Variants in ADAMTS6 observed in about 807,000 individuals in gnomAD.
The protein encoded by ADAMTS6 is A disintegrin and metalloproteinase with thrombospondin motifs 6.
Under a neutral mutation model 144.3 loss-of-function variants are expected in ADAMTS6, and 23 were observed. The observed-to-expected ratio is 0.16, with a 90% confidence interval of 0.11 to 0.23. ADAMTS6 has a LOEUF of 0.23. Among genes scored for constraint, ADAMTS6 ranks in the 10% least tolerant of loss-of-function variants. ADAMTS6 has a pLI of 1.00. For synonymous variants in ADAMTS6, 444 were observed against 457.5 expected (o/e 0.97, Z 0.38); for missense variants, 999 against 1,379.6 (o/e 0.72, Z 4.37).
At chr5:65,271,270 C>G (rs1407964695) in intron 12 of ADAMTS6, among the ~76,000 whole-genome samples, 1 of 151,174 alleles carries the variant, frequency 6.6e-6, no homozygotes, top group Non-Finnish European at 1.5e-5. Flanking sequence ...TGCCTGTAAT[C>G]CCAGCTACTC....
At chr5:65,414,452 C>T (rs779694154) in intron 7 of ADAMTS6, among the ~76,000 whole-genome samples, 28 of 151,820 alleles carry the variant, frequency 1.8e-4, no homozygotes, top group Non-Finnish European at 3.5e-4. Flanking sequence ...AAAGATTTTG[C>T]CCCCCTACAC....
intron 9 of ADAMTS6, among the ~76,000 whole-genome samples, chr5:65,321,290 CTAAT>C (rs1190942299): frequency 6.6e-6 from 1 of 152,064 alleles, no homozygotes; most frequent in Non-Finnish European, 1.5e-5. Flanking sequence ...TTGGATTTCT[CTAAT>C]TATCAGTGAT....
At chr5:65,226,001 A>G in intron 16 of ADAMTS6, 85 bp downstream of exon 16, 1 of 1,375,756 alleles carries the variant, frequency 7.3e-7, no homozygotes, top group Non-Finnish European at 9.6e-7. Context: ...TTTTTAAAAA[A>G]TTAAACATAG....
chr5:65,322,628 T>C (rs1247298742), intron 9 of ADAMTS6, among the ~76,000 whole-genome samples: 2 of 151,582 alleles, frequency 1.3e-5, no homozygotes, highest in African/African-American at 2.4e-5. Context: ...GGTATTTTAT[T>C]CATTTTGTGG....
intron 7 of ADAMTS6, among the ~76,000 whole-genome samples, chr5:65,437,290 C>G (rs1467746613): frequency 1.3e-5 from 2 of 151,920 alleles, no homozygotes; most frequent in Non-Finnish European, 2.9e-5. Context: ...GAGACAGGGT[C>G]TCACCACGTT....
In ADAMTS6 at chr5:65,193,124, A is replaced by G. The variant is rs147391953; in HGVS notation, c.2705+3898T>C. Among the ~76,000 whole-genome samples the G allele has an allele frequency of 5.8e-3, 884 of 152,132 alleles. 13 individuals carry two copies. Among genetic ancestry groups the G allele is most frequent in the African/African-American group, 0.021 (856 of 41,570 alleles). On this transcript the variant is annotated intron_variant, in intron 21 of 24. Transcript: ENST00000381055. ...AGATAGATCAATGTTTACATTAAAA[A>G]TAAAAAAAGAAACTTTGAAAGTATA...
At chr5:65,395,550 G>A (rs1308857585) in intron 7 of ADAMTS6, among the ~76,000 whole-genome samples, 1 of 152,120 alleles carries the variant, frequency 6.6e-6, no homozygotes, top group Non-Finnish European at 1.5e-5. Context: ...CTGTTGTTTA[G>A]TGTGCCCAAA....
chr5:65,454,266 A>G (rs1759005523), intron 4 of ADAMTS6, among the ~76,000 whole-genome samples: 1 of 152,208 alleles, frequency 6.6e-6, no homozygotes, highest in African/African-American at 2.4e-5. Flanking sequence ...AGTCTCAGGT[A>G]TTCTGTTACA....
chr5:65,453,328 CA>C (rs151066964), intron 4 of ADAMTS6, among the ~76,000 whole-genome samples: 2,984 of 152,150 alleles, frequency 0.02, 79 homozygotes, highest in African/African-American at 0.065. Flanking sequence ...CCTGATTTTG[CA>C]AAAATCTATT....
chr5:65,449,163 T>A (rs1038216370), intron 7 of ADAMTS6, among the ~76,000 whole-genome samples: 2 of 151,932 alleles, frequency 1.3e-5, no homozygotes, highest in Non-Finnish European at 2.9e-5. Flanking sequence ...TTAATAAGAG[T>A]TCAAAAAAGA....
chr5:65,217,917 A>C (rs76398935), intron 18 of ADAMTS6, among the ~76,000 whole-genome samples: 1 of 152,164 alleles, frequency 6.6e-6, no homozygotes, highest in Non-Finnish European at 1.5e-5. Context: ...TATATGAATC[A>C]GCTTTTCTCA....
At chr5:65,287,146 G>A (rs951081876) in intron 11 of ADAMTS6, among the ~76,000 whole-genome samples, 2 of 152,080 alleles carry the variant, frequency 1.3e-5, no homozygotes, top group African/African-American at 4.8e-5. Flanking sequence ...CCTTGAAGAC[G>A]TCCTATCTTT....
chr5:65,343,641 A>G (rs749627597), intron 7 of ADAMTS6, among the ~76,000 whole-genome samples: 16 of 152,032 alleles, frequency 1.1e-4, no homozygotes, highest in African/African-American at 1.7e-4. Flanking sequence ...TGAGAAAAGA[A>G]CTTTTATAAA....
At chr5:65,358,121 A>T (rs1749504633) in intron 7 of ADAMTS6, among the ~76,000 whole-genome samples, 2 of 151,970 alleles carry the variant, frequency 1.3e-5, no homozygotes, top group African/African-American at 4.8e-5. Context: ...CATTAAAAGG[A>T]TCATTCACCA....
At chr5:65,466,608 T>C (rs1337443110) in intron 3 of ADAMTS6, among the ~76,000 whole-genome samples, 2 of 152,136 alleles carry the variant, frequency 1.3e-5, no homozygotes, top group African/African-American at 2.4e-5. Flanking sequence ...GTGAAATGAA[T>C]GAATAATGAA....
chr5:65,154,335 A>G (rs1348143849), intron 24 of ADAMTS6, among the ~76,000 whole-genome samples: 7 of 152,248 alleles, frequency 4.6e-5, no homozygotes, highest in African/African-American at 1.7e-4. Context: ...GTTCAGAGGC[A>G]GTATCTAGCC....
intron 21 of ADAMTS6, among the ~76,000 whole-genome samples, chr5:65,192,116 ACT>A (rs1433977321): frequency 3.3e-5 from 5 of 152,068 alleles, no homozygotes; most frequent in Admixed American, 1.3e-4. Flanking sequence ...AGGTCCAATG[ACT>A]CAGAATAATG....
Position 65,473,832 on chromosome 5 carries a change from G to A in ADAMTS6, c.-159C>T. The stretch of plus-strand genomic sequence containing the variant: ...AAGAGCCACTTTTATCCAACATCCT[G>A]CACTTTCTTCTATATCTGGATTCAT... On this transcript the variant is annotated 5_prime_UTR_variant, in exon 2 of 25. Transcript: ENST00000381055. The A allele has an allele frequency of 1.8e-6, 1 of 554,288 alleles. No individual in the cohort carries two copies. The highest frequency in any genetic ancestry group is 2.8e-5 in the East Asian group (1 of 35,458). 34.3% of individuals were successfully genotyped at this position (554,288 alleles called of 1,614,324 possible). A position where few individuals can be genotyped will look rare whatever the true frequency, so the allele number is the denominator to read the frequency against.
intron 14 of ADAMTS6, among the ~76,000 whole-genome samples, chr5:65,249,536 C>A (rs1759963850): frequency 1.3e-5 from 2 of 152,150 alleles, no homozygotes; most frequent in South Asian, 4.1e-4. Context: ...TCCTTTCTTT[C>A]CTGTTCTAAA....
Sources: gnomAD v4.1 joint callset for allele counts (sites outside exome capture counted in the v4.1 genomes callset) on GRCh38, gnomAD v4.1.1 for gene constraint, MANE v1.5 for transcripts, NCBI Gene and HGNC (gene_info 2026-07-23, HGNC 2026-07-21) for gene names.